TMEM74: variants seen among roughly 807,000 people sequenced by gnomAD.
The protein encoded by TMEM74 is transmembrane protein 74.
Under a neutral mutation model 18.1 loss-of-function variants are expected in TMEM74, and 13 were observed. That is an observed-to-expected ratio of 0.72 (90% CI 0.47 to 1.14). The LOEUF (loss-of-function observed/expected upper bound fraction) is 1.14. Ranked by LOEUF, TMEM74 falls within the 50% of genes most tolerant of loss-of-function variation. The probability of loss-of-function intolerance (pLI) is 0.00; values close to 1 mark genes in which losing one functional copy is unlikely to be tolerated. For missense variants in TMEM74, 372 were observed against 375.9 expected, an observed-to-expected ratio of 0.99 and a Z score of 0.09; for synonymous variants, 159 against 146.6, an observed-to-expected ratio of 1.08 and a Z score of -0.61.
chr8:108,701,228 C>G (rs1487258454), intron 1 of TMEM74, among the ~76,000 whole-genome samples: 1 of 150,936 alleles, frequency 6.6e-6, no homozygotes, highest in Non-Finnish European at 1.5e-5. Context: ...TCTCTACAAG[C>G]TAGGAATAGA....
At position 108,695,593 on chromosome 8, in the gene TMEM74, T is replaced by G. The variant is rs1051597965; in HGVS notation, n.120-40156A>C. On this transcript the variant is annotated intron_variant and non_coding_transcript_variant, in intron 1 of 3. Transcript: ENST00000518838. ...ATCCACCCTTAGCCTAGGTAGCAAG[T>G]AGCTGAGCCAGGAAACTGAATTTAG... 5.9e-5 allele frequency among the ~76,000 whole-genome samples: 9 copies of G among 152,194 alleles called. 1 individual carries two copies. Among genetic ancestry groups the G allele is most frequent in the Non-Finnish European group, 1.3e-4 (9 of 68,030 alleles).
intron 2 of TMEM74, among the ~76,000 whole-genome samples, chr8:108,642,873 G>A (rs931417547): frequency 2.0e-5 from 3 of 152,134 alleles, no homozygotes; most frequent in Admixed American, 6.6e-5. Flanking sequence ...ATTGTTACAA[G>A]TTCACGACTG....
intron 2 of TMEM74, among the ~76,000 whole-genome samples, chr8:108,639,885 G>T (rs1281989754): frequency 6.6e-6 from 1 of 152,004 alleles, no homozygotes; most frequent in East Asian, 1.9e-4. Context: ...AATACCAAAT[G>T]CATGTGGGGT....
chr8:108,631,315 C>T (rs1291213880), intron 2 of TMEM74, among the ~76,000 whole-genome samples: 36 of 151,922 alleles, frequency 2.4e-4, no homozygotes, highest in Admixed American at 2.4e-3. Flanking sequence ...GGAACACAGC[C>T]TCCAAGCCCG....
At chr8:108,776,532 G>T (rs958712771), downstream of TMEM74, among the ~76,000 whole-genome samples, 1 of 152,208 alleles carries the variant, frequency 6.6e-6, no homozygotes, top group Admixed American at 6.5e-5. Flanking sequence ...TTGCCACATG[G>T]CATGCTGATT....
chr8:108,674,445 A>G (rs1449527519), intron 1 of TMEM74, among the ~76,000 whole-genome samples: 1 of 152,214 alleles, frequency 6.6e-6, no homozygotes, highest in African/African-American at 2.4e-5. Flanking sequence ...CAGGAACATT[A>G]TACTAATTGT....
Position 108,669,812 on chromosome 8 carries a change from C to T in TMEM74, n.120-14375G>A, listed in dbSNP as rs1033714833. On this transcript the variant is annotated intron_variant and non_coding_transcript_variant, in intron 1 of 3. Transcript: ENST00000518838. ...CAGCACTTTGGGAGGCTGAGGTGGG[C>T]GGATCACCTAAGGTCAGGAGTTCGA... 4.0e-5 allele frequency among the ~76,000 whole-genome samples: 6 copies of T among 151,776 alleles called. No individual in the cohort carries two copies. In the South Asian group the frequency reaches 6.3e-4, roughly 16 times the overall value.
chr8:108,669,315 C>T (rs140495852), intron 1 of TMEM74, among the ~76,000 whole-genome samples: 1 of 151,990 alleles, frequency 6.6e-6, no homozygotes, highest in African/African-American at 2.4e-5. Context: ...CAAGAAGGAG[C>T]GGATATAAGG....
chr8:108,767,341 TCTGGCCCCATTC>T (rs1814120237), intron 1 of TMEM74, among the ~76,000 whole-genome samples: 1 of 152,224 alleles, frequency 6.6e-6, no homozygotes, highest in Admixed American at 6.5e-5. Flanking sequence ...TCAAAAGATT[TCTGGCCCCATTC>T]CTTTAATTAT....
chr8:108,618,395 T>TAA (rs1193130837), intron 2 of TMEM74, among the ~76,000 whole-genome samples: 3 of 152,160 alleles, frequency 2.0e-5, no homozygotes, highest in Non-Finnish European at 4.4e-5. Flanking sequence ...AACTTCACTG[T>TAA]AAATGGAAAA....
intron 1 of TMEM74, among the ~76,000 whole-genome samples, chr8:108,716,060 A>G (rs1214293279): frequency 6.6e-6 from 1 of 152,170 alleles, no homozygotes; most frequent in Non-Finnish European, 1.5e-5. Flanking sequence ...AAAGCAGGTA[A>G]TATAGACAGA....
chr8:108,685,952 A>G (rs1198344707), intron 1 of TMEM74, among the ~76,000 whole-genome samples: 3 of 152,188 alleles, frequency 2.0e-5, no homozygotes, highest in African/African-American at 7.2e-5. Context: ...ATGTAATTTT[A>G]TTGATGTACA....
intron 1 of TMEM74, among the ~76,000 whole-genome samples, chr8:108,746,637 G>A (rs1813850908): frequency 6.6e-6 from 1 of 152,072 alleles, no homozygotes; most frequent in African/African-American, 2.4e-5. Context: ...GATGACTGGT[G>A]GCTAGGGACT....
In TMEM74 at chr8:108,657,859, AATATAT is replaced by A. The variant is rs1175396487; in HGVS notation, n.120-2428_120-2423del. ...CACCGTCTCAAAAAAAAAAAAAAAA[AATATAT>A]ATATATATATATATATATATATATA... is the stretch of plus-strand genomic sequence containing the variant. On this transcript the variant is annotated intron_variant and non_coding_transcript_variant, in intron 1 of 3. Coordinates refer to the TMEM74 transcript ENST00000518838. Among the ~76,000 whole-genome samples the A allele has an allele frequency of 2.3e-3, 116 of 49,868 alleles. 1 individual carries two copies. The highest frequency in any genetic ancestry group is 9.3e-3 in the South Asian group (11 of 1,178). The allele number at this position is 49,868 out of a possible 152,430, so 32.7% of individuals were successfully genotyped here. A position where few individuals can be genotyped will look rare whatever the true frequency, so the allele number is the denominator to read the frequency against.
intron 1 of TMEM74, among the ~76,000 whole-genome samples, chr8:108,750,423 C>A (rs73700366): frequency 0.018 from 2,774 of 152,186 alleles, 96 homozygotes; most frequent in African/African-American, 0.064. Flanking sequence ...TCCCTTTGTT[C>A]CAGGTAGTTA....
At chr8:108,699,011 G>A (rs1813308130) in intron 1 of TMEM74, among the ~76,000 whole-genome samples, 4 of 152,028 alleles carry the variant, frequency 2.6e-5, no homozygotes, top group South Asian at 4.1e-4. Context: ...AATAATTCCC[G>A]GATGAGCTGG....
intron 2 of TMEM74, among the ~76,000 whole-genome samples, chr8:108,611,703 C>A (rs1271217460): frequency 6.6e-6 from 1 of 152,110 alleles, no homozygotes; most frequent in Non-Finnish European, 1.5e-5. Flanking sequence ...ATTAACAATG[C>A]CAGGTAAATA....
chr8:108,636,918 A>G (rs970113665), intron 2 of TMEM74, among the ~76,000 whole-genome samples: 1 of 152,072 alleles, frequency 6.6e-6, no homozygotes, highest in African/African-American at 2.4e-5. Flanking sequence ...TGTCTCAGCT[A>G]CTATGTGTTG....
intron 1 of TMEM74, among the ~76,000 whole-genome samples, chr8:108,671,230 A>C (rs995939243): frequency 1.3e-5 from 2 of 152,180 alleles, no homozygotes; most frequent in African/African-American, 4.8e-5. Flanking sequence ...TGTTTTTATA[A>C]GGCACCTCCA....
Sources: gnomAD v4.1 joint callset for allele counts (sites outside exome capture counted in the v4.1 genomes callset) on GRCh38, gnomAD v4.1.1 for gene constraint, MANE v1.5 for transcripts, NCBI Gene and HGNC (gene_info 2026-07-23, HGNC 2026-07-21) for gene names.